The following PCDH7 variants were observed in gnomAD, a reference collection of about 807,000 sequenced individuals.
The protein encoded by PCDH7 is protocadherin-7.
Under a neutral mutation model 58.9 loss-of-function variants are expected in PCDH7, and 17 were observed. The ratio of observed to expected loss-of-function variants is 0.29; its 90% CI spans 0.20 to 0.43. The LOEUF is 0.43. PCDH7 is among the 20% of genes least tolerant of loss of function. The probability of loss-of-function intolerance (pLI) is 1.00; values close to 1 mark genes in which losing one functional copy is unlikely to be tolerated. For missense variants in PCDH7, 1,274 were observed against 1,441.0 expected (o/e 0.88, Z 1.88); for synonymous variants, 664 against 616.4 (o/e 1.08, Z -1.14).
At chr4:31,063,304 T>A (rs1338836525) in intron 3 of PCDH7, among the ~76,000 whole-genome samples, 1 of 151,874 alleles carries the variant, frequency 6.6e-6, no homozygotes, top group East Asian at 1.9e-4. Context: ...CATGCAGGTA[T>A]ATAATACATC....
intron 3 of PCDH7, among the ~76,000 whole-genome samples, chr4:31,138,727 T>G (rs1234557131): frequency 6.6e-6 from 1 of 152,082 alleles, no homozygotes; most frequent in Non-Finnish European, 1.5e-5. Context: ...CTCCCAGCAC[T>G]TTGGGAGGCC....
At chr4:31,008,909 T>C (rs1054817816) in intron 3 of PCDH7, among the ~76,000 whole-genome samples, 1 of 152,048 alleles carries the variant, frequency 6.6e-6, no homozygotes, top group Admixed American at 6.6e-5. Context: ...ATTTGCAGAG[T>C]TATGTAATTT....
intron 3 of PCDH7, among the ~76,000 whole-genome samples, chr4:31,003,105 A>C (rs180695201): frequency 6.6e-5 from 10 of 152,334 alleles, no homozygotes; most frequent in Admixed American, 6.5e-4. Context: ...TGCTTATTTA[A>C]AATTTCTTTA....
At chr4:30,782,595 T>C (rs1318789809) in intron 1 of PCDH7, among the ~76,000 whole-genome samples, 1 of 152,188 alleles carries the variant, frequency 6.6e-6, no homozygotes, top group African/African-American at 2.4e-5. Flanking sequence ...CAGCAAAGCA[T>C]GCAAATTTAT....
intron 3 of PCDH7, among the ~76,000 whole-genome samples, chr4:31,121,048 G>C (rs1717632244): frequency 6.6e-6 from 1 of 152,062 alleles, no homozygotes; most frequent in Non-Finnish European, 1.5e-5. Flanking sequence ...CACTCATAAT[G>C]ATAACTTAGC....
intron 3 of PCDH7, among the ~76,000 whole-genome samples, chr4:31,112,111 A>T (rs1267107072): frequency 6.6e-6 from 1 of 152,158 alleles, no homozygotes; most frequent in Non-Finnish European, 1.5e-5. Flanking sequence ...TTTTTCTTGA[A>T]ATTTCTTTCA....
intron 3 of PCDH7, among the ~76,000 whole-genome samples, chr4:30,971,829 G>A (rs1265467188): frequency 6.6e-6 from 1 of 152,164 alleles, no homozygotes; most frequent in African/African-American, 2.4e-5. Context: ...GTGCATGGTG[G>A]CACATGCCTG....
At chr4:30,820,425 A>G (rs1020853404) in intron 1 of PCDH7, among the ~76,000 whole-genome samples, 1 of 152,180 alleles carries the variant, frequency 6.6e-6, no homozygotes, top group Non-Finnish European at 1.5e-5. Flanking sequence ...GACCACTGTG[A>G]AGAGTCTGAT....
chr4:30,820,663 C>T (rs1348410700), intron 1 of PCDH7, among the ~76,000 whole-genome samples: 1 of 151,634 alleles, frequency 6.6e-6, no homozygotes, highest in Admixed American at 6.6e-5. Context: ...ACAACCATCA[C>T]ATCATATATA....
chr4:30,935,627 A>G (rs937580106), intron 2 of PCDH7, among the ~76,000 whole-genome samples: 2 of 152,144 alleles, frequency 1.3e-5, no homozygotes, highest in Non-Finnish European at 2.9e-5. Flanking sequence ...AGTAATTACT[A>G]AAGATCATTC....
chr4:30,734,686 T>A (rs895740963), downstream of PCDH7, among the ~76,000 whole-genome samples: 2 of 151,846 alleles, frequency 1.3e-5, no homozygotes, highest in African/African-American at 4.8e-5. Flanking sequence ...TGCTGTCAAG[T>A]TTTTTTTGCC....
At chr4:30,876,180 A>G (rs770043717) in intron 1 of PCDH7, among the ~76,000 whole-genome samples, 7 of 152,124 alleles carry the variant, frequency 4.6e-5, no homozygotes, top group African/African-American at 1.2e-4. Flanking sequence ...AATATGCATT[A>G]AGATCAACCT....
At chr4:30,826,995 T>G (rs1400876546) in intron 1 of PCDH7, among the ~76,000 whole-genome samples, 1 of 152,172 alleles carries the variant, frequency 6.6e-6, no homozygotes, top group African/African-American at 2.4e-5. Flanking sequence ...GATTTTTCTC[T>G]TATGTTTCCT....
At chr4:30,805,097 T>G (rs564495121) in intron 1 of PCDH7, among the ~76,000 whole-genome samples, 12 of 152,218 alleles carry the variant, frequency 7.9e-5, no homozygotes, top group Non-Finnish European at 1.8e-4. Context: ...ATCACTCTAT[T>G]TACTTGGTTT....
chr4:30,878,613 C>A (rs902416491), intron 1 of PCDH7, among the ~76,000 whole-genome samples: 1 of 152,060 alleles, frequency 6.6e-6, no homozygotes, highest in Non-Finnish European at 1.5e-5. Flanking sequence ...ATTTGGGGGG[C>A]CAAGATAGGC....
At chr4:31,016,457 G>A (rs554218459) in intron 3 of PCDH7, among the ~76,000 whole-genome samples, 41 of 148,392 alleles carry the variant, frequency 2.8e-4, no homozygotes, top group Admixed American at 5.4e-4. Context: ...GAGGGGGAAA[G>A]GCCATCATCT....
At position 30,722,025 on chromosome 4, in the gene PCDH7, C is replaced by G. The variant is rs1377854865; in HGVS notation, c.603C>G (p.Ala201=). ...GCGAGAGCCGGCGCGCCGGGGCGGC[C>G]GACAGCGCCCCCTACCCCGGGGGCG... Residue 201 remains alanine (A), a synonymous_variant, in exon 1 of 2, where the codon GCC becomes GCG. Transcript: ENST00000361762. The surrounding 1 kb of genome is among the most constrained non-coding windows in gnomAD (Gnocchi z 7.6). 1.6e-6 allele frequency: 2 copies of G among 1,253,290 alleles called. No individual in the cohort carries two copies. The highest frequency in any genetic ancestry group is 2.0e-6 in the Non-Finnish European group (2 of 1,002,062). The allele number at this position is 1,253,290 out of a possible 1,614,324, so 77.6% of individuals were successfully genotyped here. A position where few individuals can be genotyped will look rare whatever the true frequency, so the allele number is the denominator to read the frequency against.
At chr4:30,814,247 A>C (rs1472312321) in intron 1 of PCDH7, among the ~76,000 whole-genome samples, 1 of 152,006 alleles carries the variant, frequency 6.6e-6, no homozygotes, top group South Asian at 2.1e-4. Flanking sequence ...AAATATAAGT[A>C]ATACGCCTAT....
At chr4:31,040,609 G>A (rs1046185800) in intron 3 of PCDH7, among the ~76,000 whole-genome samples, 1 of 152,152 alleles carries the variant, frequency 6.6e-6, no homozygotes, top group Admixed American at 6.5e-5. Flanking sequence ...CATTTCTTGA[G>A]TTTAGGCCAG....
Sources: gnomAD v4.1 joint callset for allele counts (sites outside exome capture counted in the v4.1 genomes callset) on GRCh38, gnomAD v4.1.1 for gene constraint, Gnocchi (gnomAD v3.1) non-coding constraint, MANE v1.5 for transcripts, NCBI Gene and HGNC (gene_info 2026-07-23, HGNC 2026-07-21) for gene names.